CLEC4M: variants seen among roughly 807,000 people sequenced by gnomAD.
CLEC4M encodes the protein CD209 antigen-like protein 1.
Under a neutral mutation model 39.1 loss-of-function variants are expected in CLEC4M, and 25 were observed. The observed-to-expected ratio is 0.64, with a 90% confidence interval of 0.47 to 0.89. The LOEUF is 0.89. Ranked by LOEUF, CLEC4M falls within the 40% of genes least tolerant of loss-of-function variation. The pLI is 0.00. For synonymous variants in CLEC4M, 155 were observed against 177.4 expected, an observed-to-expected ratio of 0.87 and a Z score of 1.00; for missense variants, 353 against 431.4, an observed-to-expected ratio of 0.82 and a Z score of 1.61.
intron 6 of CLEC4M, 151 bp from the exon 7 acceptor site, chr19:7,768,687 C>T: frequency 1.3e-6 from 1 of 797,940 alleles, no homozygotes; most frequent in Non-Finnish European, 1.9e-6. Context: ...CTGAAGGCAA[C>T]ATGACTCGGG....
intron 2 of CLEC4M, among the ~76,000 whole-genome samples, chr19:7,763,855 G>A (rs2034127639): frequency 6.6e-6 from 1 of 151,416 alleles, no homozygotes. Flanking sequence ...ACTGGGGACT[G>A]GAATCCTGGG....
rs144919911 is a variant in CLEC4M, at chr19:7,765,684, C to T, written c.261C>T (p.Asp87=). 61 of 1,614,138 alleles carry T rather than the reference C, an allele frequency of 3.8e-5. No individual in the cohort carries two copies. The Middle Eastern group carries it at 4.9e-4, about 13-fold the overall frequency. ...SSLSQEQSEQ[D]AIYQNLTQLK... Reference sequence around the variant, plus strand: ...TAAGTCAGGAACAATCCGAGCAAGACGCAATCTACCAGAACCTGACCCAGC... The same window carrying T: ...TAAGTCAGGAACAATCCGAGCAAGATGCAATCTACCAGAACCTGACCCAGC... Residue 87 remains aspartate (D), a synonymous_variant, in exon 4 of 7, where the codon GAC becomes GAT. Transcript: ENST00000327325.
chr19:7,766,440 G>C lies in CLEC4M; in HGVS notation c.785-216G>C. On this transcript the variant is annotated intron_variant, in intron 4 of 6. Coordinates refer to ENST00000327325, the MANE Select transcript of CLEC4M (RefSeq NM_014257.5). ...AGCTCTAAAGCTGCTAATTCTCCCAGTCTGGAAGAGATGGAGCCAGGACTC... is the reference window on the plus strand; with the variant it reads ...AGCTCTAAAGCTGCTAATTCTCCCACTCTGGAAGAGATGGAGCCAGGACTC... 4 of 1,450,110 alleles carry C rather than the reference G, an allele frequency of 2.8e-6. No individual in the cohort carries two copies. The South Asian group carries it at 5.9e-5, about 22-fold the overall frequency. 89.8% of individuals were successfully genotyped at this position (1,450,110 alleles called of 1,614,324 possible).
chr19:7,763,937 G>T (rs1319088503), intron 2 of CLEC4M, among the ~76,000 whole-genome samples: 2 of 151,476 alleles, frequency 1.3e-5, no homozygotes, highest in African/African-American at 4.9e-5. Flanking sequence ...CTGAATTCGT[G>T]GGTCCTGGGG....
At chr19:7,763,597 G>A (rs993823374) in intron 2 of CLEC4M, 121 bp downstream of exon 2, 1 of 779,798 alleles carries the variant, frequency 1.3e-6, no homozygotes, top group African/African-American at 1.8e-5. Context: ...TGAGACCTGG[G>A]TTCCTGGGTC....
chr19:7,764,603 C>T (rs1232202357), intron 2 of CLEC4M, among the ~76,000 whole-genome samples: 1 of 152,100 alleles, frequency 6.6e-6, no homozygotes, highest in Admixed American at 6.5e-5. Context: ...ATTCTCTTGC[C>T]TCACCCTCCC....
At position 7,763,451 on chromosome 19, in the gene CLEC4M, G is replaced by A; in HGVS notation, c.105G>A (p.Gln35=). 3 of 1,614,102 alleles carry A rather than the reference G, an allele frequency of 1.9e-6. No homozygotes were observed. In the South Asian group the frequency reaches 3.3e-5, roughly 18 times the overall value. Reference sequence around the variant, plus strand: ...TTCCAAGAGACTTTCAATTCCAGCAGATACATGGCCACAAGAGCTCTACAG... The same window carrying A: ...TTCCAAGAGACTTTCAATTCCAGCAAATACATGGCCACAAGAGCTCTACAG... The part of the protein sequence containing the change: ...RLFPRDFQFQ[Q]IHGHKSSTGC... The change falls in exon 2 of 7, where the codon CAG becomes CAA. Residue 35 remains glutamine, a synonymous_variant. Transcript: ENST00000327325.
intron 6 of CLEC4M, chr19:7,767,879 TAG>T: frequency 5.1e-6 from 2 of 389,290 alleles, no homozygotes; most frequent in South Asian, 4.3e-5. Flanking sequence ...AGTGTATTAA[TAG>T]GAAGTCTGAA....
rs1795193659 is a variant in CLEC4M, at chr19:7,766,637, G to A, written c.785-19G>A. On this transcript the variant is annotated intron_variant, in intron 4 of 6. Transcript: ENST00000327325. ...GACAACCTAATCTGAGCCCAGCCCT[G>A]ACCAGCCTCCCCCAACAGAACGCCT... 1.2e-6 allele frequency: 2 copies of A among 1,614,126 alleles called. No homozygotes were observed. Among genetic ancestry groups the A allele is most frequent in the East Asian group, 2.2e-5 (1 of 44,890 alleles).
intron 5 of CLEC4M, 55 bp from the exon 6 acceptor site, chr19:7,767,461 G>A: frequency 1.4e-6 from 2 of 1,389,208 alleles, no homozygotes; most frequent in Non-Finnish European, 1.0e-6. Flanking sequence ...ACGGGGAGGT[G>A]GAACCTGGAA....
In CLEC4M at chr19:7,768,894, C is replaced by T. The variant is rs760008267; in HGVS notation, c.1106C>T (p.Ala369Val). The change falls in exon 7 of 7, where the codon GCG becomes GTG. Residue 369 changes from alanine (A) to valine (V), a missense_variant. Physicochemically the swap from Ala to Val is moderately conservative, Grantham distance 64. This residue lies in a region of CLEC4M where 196 missense variants were observed against 211.7 expected (regional missense o/e 0.93). Transcript: ENST00000327325. ...EPNNSGNEDC[A>V]EFSGSGWNDN... ...AACAATAGCGGGAATGAAGACTGTG[C>T]GGAATTTAGTGGCAGTGGCTGGAAC... The T allele has an allele frequency of 1.1e-5, 17 of 1,614,036 alleles. No homozygotes were observed. Among genetic ancestry groups the T allele is most frequent in the Middle Eastern group, 1.6e-4 (1 of 6,062 alleles).
chr19:7,766,840 G>T (rs754221097), intron 5 of CLEC4M, 33 bp downstream of exon 5: 9 of 1,613,674 alleles, frequency 5.6e-6, no homozygotes. Flanking sequence ...TCCTGGCCTG[G>T]GGCATGGCTT....
chr19:7,763,440 C>G lies in CLEC4M; in HGVS notation c.94C>G (p.Gln32Glu). 1 of 1,614,030 alleles carries G rather than the reference C, an allele frequency of 6.2e-7. No homozygotes were observed. Among genetic ancestry groups the G allele is most frequent in the East Asian group, 2.2e-5 (1 of 44,880 alleles). The change falls in exon 2 of 7, where the codon CAA (glutamine) becomes GAA (glutamate). Residue 32 changes from glutamine (Q) to glutamate (E), a missense_variant. Gln to Glu is a conservative substitution (Grantham distance 29, BLOSUM62 2). Coordinates refer to ENST00000327325, the MANE Select transcript of CLEC4M (RefSeq NM_014257.5). Reference sequence around the variant, plus strand: ...CATCAGACTTTTTCCAAGAGACTTTCAATTCCAGCAGATACATGGCCACAA... The same window carrying G: ...CATCAGACTTTTTCCAAGAGACTTTGAATTCCAGCAGATACATGGCCACAA... ...SGIRLFPRDFQFQQIHGHKSS... is the reference protein window; with the variant it reads ...SGIRLFPRDFEFQQIHGHKSS...
chr19:7,768,889 CTG>C lies in CLEC4M; in HGVS notation c.1104_1105del (p.Ala369GlyfsTer3). The C allele has an allele frequency of 1.2e-6, 2 of 1,614,166 alleles. No homozygotes were observed. The highest frequency in any genetic ancestry group is 1.7e-5 in the Admixed American group (1 of 60,014). ...AACCCAACAATAGCGGGAATGAAGA[CTG>C]TGCGGAATTTAGTGGCAGTGGCTGG... is the stretch of plus-strand genomic sequence containing the variant. The part of the protein sequence containing the change: ...GEPNNSGNED[C>X]AEFSGSGWND... On this transcript the variant is annotated frameshift_variant, in exon 7 of 7. Coordinates refer to ENST00000327325, the MANE Select transcript of CLEC4M (RefSeq NM_014257.5). LOFTEE classifies it low-confidence loss of function (END_TRUNC).
Position 7,767,429 on chromosome 19 carries a change from A to C in CLEC4M, c.937-87A>C. ...ATCAGAAAACTGCAGGTTAACTTGA[A>C]AGCAGAACTTTCTGCCAAGAGACGG... is the stretch of plus-strand genomic sequence containing the variant. On this transcript the variant is annotated intron_variant, in intron 5 of 6. Transcript: ENST00000327325. 2.9e-6 allele frequency: 3 copies of C among 1,026,878 alleles called. No individual in the cohort carries two copies. The Admixed American group carries it at 5.8e-5, about 20-fold the overall frequency. The allele number at this position is 1,026,878 out of a possible 1,614,324, so 63.6% of individuals were successfully genotyped here. A position where few individuals can be genotyped will look rare whatever the true frequency, so the allele number is the denominator to read the frequency against.
intron 6 of CLEC4M, 33 bp downstream of exon 6, chr19:7,767,661 G>C: frequency 6.3e-7 from 1 of 1,585,708 alleles, no homozygotes; most frequent in East Asian, 2.2e-5. Flanking sequence ...ACTGTATCCA[G>C]TCGGGCTGGG....
rs553697389 is a variant in CLEC4M at position 7,769,061 on chromosome 19, C to G, written c.*73C>G. Reference sequence around the variant, plus strand: ...ACCCACTTGTAAGCCAGCGCTTCTTCTCTCCATCCTTGGACCTTCACAAAT... The same window carrying G: ...ACCCACTTGTAAGCCAGCGCTTCTTGTCTCCATCCTTGGACCTTCACAAAT... On this transcript the variant is annotated 3_prime_UTR_variant, in exon 7 of 7. Coordinates refer to ENST00000327325, the MANE Select transcript of CLEC4M (RefSeq NM_014257.5). 705 of 1,488,572 alleles carry G rather than the reference C, an allele frequency of 4.7e-4. 4 individuals carry two copies. The African/African-American group carries it at 8.2e-3, about 17-fold the overall frequency. The allele number at this position is 1,488,572 out of a possible 1,614,324, so 92.2% of individuals were successfully genotyped here.
Position 7,767,616 on chromosome 19 carries a change from C to T in CLEC4M, c.1037C>T (p.Pro346Leu), listed in dbSNP as rs969942205. The T allele has an allele frequency of 1.2e-6, 2 of 1,613,796 alleles. No homozygotes were observed. Among genetic ancestry groups the T allele is most frequent in the South Asian group, 1.1e-5 (1 of 91,080 alleles). The change falls in exon 6 of 7, where the codon CCT becomes CTT. Residue 346 changes from proline to leucine, a missense_variant. This residue lies in a region of CLEC4M where 196 missense variants were observed against 211.7 expected (regional missense o/e 0.93). Coordinates refer to ENST00000327325, the MANE Select transcript of CLEC4M (RefSeq NM_014257.5). ...ACGTGGCAATGGGTGGACGGCTCAC[C>T]TCTGTCACCCAGGTAGATTCTGGGA... Reference protein sequence around the residue: ...EGTWQWVDGSPLSPSFQRYWN... With the variant: ...EGTWQWVDGSLLSPSFQRYWN...
chr19:7,763,294 C>G lies in CLEC4M; in HGVS notation c.28C>G (p.Gln10Glu). The G allele has an allele frequency of 6.2e-7, 1 of 1,608,296 alleles. No individual in the cohort carries two copies. The highest frequency in any genetic ancestry group is 8.5e-7 in the Non-Finnish European group (1 of 1,177,182). Reference sequence around the variant, plus strand: ...GAGTGACTCCAAGGAACCAAGGGTGCAGCAGCTGGGCCTCCTGGGTAAGGC... The same window carrying G: ...GAGTGACTCCAAGGAACCAAGGGTGGAGCAGCTGGGCCTCCTGGGTAAGGC... MSDSKEPRVQQLGLLEEDPT... is the reference protein window; with the variant it reads MSDSKEPRVEQLGLLEEDPT... Residue 10 changes from glutamine to glutamate, a missense_variant, in exon 1 of 7, where the codon CAG becomes GAG. Coordinates refer to ENST00000327325, the MANE Select transcript of CLEC4M (RefSeq NM_014257.5).
Sources: allele counts gnomAD v4.1 joint callset (sites outside exome capture counted in the v4.1 genomes callset), GRCh38; gene constraint gnomAD v4.1.1; regional missense constraint gnomAD v4.1.1; transcripts MANE v1.5; gene names NCBI Gene and HGNC (gene_info 2026-07-23, HGNC 2026-07-21).